The following PDGFC variants were observed in gnomAD, a reference collection of about 807,000 sequenced individuals.
PDGFC encodes platelet derived growth factor C, also known as platelet-derived growth factor C.
A neutral mutation model predicts 35.5 loss-of-function variants in PDGFC; 12 were observed. That is an observed-to-expected ratio of 0.34 (90% CI 0.22 to 0.55). The LOEUF (loss-of-function observed/expected upper bound fraction) is 0.55, where lower values mean the gene tolerates loss of function less well. Ranked by LOEUF, PDGFC falls within the 20% of genes least tolerant of loss-of-function variation. PDGFC has a pLI of 0.91. For synonymous variants in PDGFC, 159 were observed against 148.8 expected, an observed-to-expected ratio of 1.07 and a Z score of -0.50; for missense variants, 322 against 412.4, an observed-to-expected ratio of 0.78 and a Z score of 1.90.
At chr4:156,792,097 C>T (rs1731314266) in intron 3 of PDGFC, among the ~76,000 whole-genome samples, 1 of 152,100 alleles carries the variant, frequency 6.6e-6, no homozygotes, top group Non-Finnish European at 1.5e-5. Context: ...AAGGAAAACG[C>T]CTAGGATCTT....
chr4:156,821,058 G>A (rs948395703), intron 2 of PDGFC, among the ~76,000 whole-genome samples: 4 of 152,114 alleles, frequency 2.6e-5, no homozygotes, highest in African/African-American at 7.2e-5. Context: ...GATTGTGGTC[G>A]GGTAAGCACA....
chr4:156,855,737 T>A (rs1239522775), intron 1 of PDGFC, among the ~76,000 whole-genome samples: 1 of 152,210 alleles, frequency 6.6e-6, no homozygotes, highest in Admixed American at 6.5e-5. Flanking sequence ...TTCTACATCC[T>A]AATGTTGCTA....
intron 1 of PDGFC, among the ~76,000 whole-genome samples, chr4:156,911,678 T>C (rs1387007161): frequency 6.6e-6 from 1 of 152,158 alleles, no homozygotes; most frequent in African/African-American, 2.4e-5. Context: ...CTTGGTCAAC[T>C]GACAGAGCTA....
chr4:156,891,390 C>T (rs1730506911), intron 1 of PDGFC, among the ~76,000 whole-genome samples: 1 of 145,226 alleles, frequency 6.9e-6, no homozygotes, highest in Admixed American at 7.1e-5. Flanking sequence ...TGTTGTTGAC[C>T]AAAATGTTGT....
intron 3 of PDGFC, among the ~76,000 whole-genome samples, chr4:156,804,625 T>C (rs1217831400): frequency 6.6e-6 from 1 of 151,988 alleles, no homozygotes; most frequent in Non-Finnish European, 1.5e-5. Context: ...ACGAGATAAG[T>C]TATCAGAGAC....
At chr4:156,794,037 G>T (rs561866573) in intron 3 of PDGFC, among the ~76,000 whole-genome samples, 3 of 152,242 alleles carry the variant, frequency 2.0e-5, no homozygotes, top group African/African-American at 7.2e-5. Flanking sequence ...TAACATGGAT[G>T]ATATAATTTG....
At chr4:156,962,657 A>C (rs976056186) in intron 1 of PDGFC, among the ~76,000 whole-genome samples, 4 of 152,144 alleles carry the variant, frequency 2.6e-5, no homozygotes, top group African/African-American at 9.7e-5. Context: ...CATTTAACTT[A>C]TGAAGGAAGA....
chr4:156,831,183 C>A (rs1280573821), intron 2 of PDGFC, among the ~76,000 whole-genome samples: 2 of 152,130 alleles, frequency 1.3e-5, no homozygotes, highest in Non-Finnish European at 2.9e-5. Context: ...CAAATATGCA[C>A]AGAGTAGGCA....
chr4:156,901,963 C>G (rs1392046775), intron 1 of PDGFC, among the ~76,000 whole-genome samples: 2 of 152,132 alleles, frequency 1.3e-5, no homozygotes, highest in Non-Finnish European at 2.9e-5. Flanking sequence ...GCTACATTGA[C>G]AGCGATGCCA....
chr4:156,928,548 T>C (rs1472172268), intron 1 of PDGFC, among the ~76,000 whole-genome samples: 1 of 152,152 alleles, frequency 6.6e-6, no homozygotes. Flanking sequence ...GGGTACTTGC[T>C]GCTAGGAAGA....
At chr4:156,923,420 AT>A (rs1731334564) in intron 1 of PDGFC, among the ~76,000 whole-genome samples, 1 of 152,206 alleles carries the variant, frequency 6.6e-6, no homozygotes, top group South Asian at 2.1e-4. Flanking sequence ...CCACTATTCA[AT>A]TGTATTCAAT....
chr4:156,782,673 G>A (rs897323550), intron 3 of PDGFC, among the ~76,000 whole-genome samples: 56 of 152,258 alleles, frequency 3.7e-4, no homozygotes, highest in African/African-American at 1.3e-3. Context: ...AAATGAGATT[G>A]TGTCTCACGG....
intron 2 of PDGFC, chr4:156,842,283 G>A (rs1480234189): frequency 6.6e-6 from 1 of 151,796 alleles, no homozygotes; most frequent in Non-Finnish European, 1.5e-5. Flanking sequence ...AAGTGCACAG[G>A]CAACCCTATT....
chr4:156,869,102 G>C (rs1328474047), intron 1 of PDGFC, among the ~76,000 whole-genome samples: 1 of 152,020 alleles, frequency 6.6e-6, no homozygotes, highest in Non-Finnish European at 1.5e-5. Flanking sequence ...AACTTCTGTT[G>C]ATGAAGAGAT....
intron 1 of PDGFC, among the ~76,000 whole-genome samples, chr4:156,874,316 G>T (rs979637751): frequency 1.3e-5 from 2 of 151,982 alleles, no homozygotes; most frequent in African/African-American, 2.4e-5. Context: ...AATTAAGAAG[G>T]AAAAATATTA....
In PDGFC at chr4:156,905,511, CAG is replaced by C. The variant is rs1220535826; in HGVS notation, c.119-55097_119-55096del. Among the ~76,000 whole-genome samples the C allele has an allele frequency of 9.1e-4, 139 of 152,152 alleles. 1 individual carries two copies. Among genetic ancestry groups the C allele is most frequent in the Middle Eastern group, 3.4e-3 (1 of 294 alleles). On this transcript the variant is annotated intron_variant, in intron 1 of 5. Coordinates refer to ENST00000502773, the MANE Select transcript of PDGFC (RefSeq NM_016205.3). ...ATTAATAAAGTTAACCCAAATAACA[CAG>C]AGTTTGAAGTGTTAGAGCCAGGATG...
intron 3 of PDGFC, 106 bp from the exon 4 acceptor site, chr4:156,772,999 G>A: frequency 1.4e-6 from 1 of 717,968 alleles, no homozygotes; most frequent in Non-Finnish European, 2.4e-6. Context: ...TATGTGTGAA[G>A]GGAAATTGTA....
intron 1 of PDGFC, among the ~76,000 whole-genome samples, chr4:156,907,265 A>C (rs1213610369): frequency 2.6e-5 from 4 of 152,210 alleles, no homozygotes; most frequent in Admixed American, 2.6e-4. Flanking sequence ...GTTTTTATAC[A>C]TGTTGATTTT....
intron 1 of PDGFC, among the ~76,000 whole-genome samples, chr4:156,902,536 T>A (rs190067450): frequency 9.2e-5 from 14 of 152,366 alleles, no homozygotes; most frequent in Admixed American, 7.2e-4. Context: ...TTCCACATGT[T>A]ACATAAATTC....
Sources: gnomAD v4.1 joint callset for allele counts (sites outside exome capture counted in the v4.1 genomes callset) on GRCh38, gnomAD v4.1.1 for gene constraint, MANE v1.5 for transcripts, NCBI Gene and HGNC (gene_info 2026-07-23, HGNC 2026-07-21) for gene names.